COG6: variants seen among roughly 807,000 people sequenced by gnomAD.
COG6 encodes component of oligomeric golgi complex 6.
COG6 carries 74 observed loss-of-function variants against 88.8 expected under a neutral mutation model. The ratio of observed to expected loss-of-function variants is 0.83; its 90% CI spans 0.69 to 1.01. The LOEUF (loss-of-function observed/expected upper bound fraction) is 1.01, where lower values mean the gene tolerates loss of function less well. Ranked by LOEUF, COG6 falls within the 50% of genes least tolerant of loss-of-function variation. The probability of loss-of-function intolerance (pLI) is 0.00; values close to 1 mark genes in which losing one functional copy is unlikely to be tolerated. For synonymous variants in COG6, 286 were observed against 278.7 expected, an observed-to-expected ratio of 1.03 and a Z score of -0.26; for missense variants, 800 against 797.9, an observed-to-expected ratio of 1.00 and a Z score of -0.03.
chr13:39,687,847 C>G (rs552687839), intron 10 of COG6, 48 bp downstream of exon 10: 2 of 1,275,044 alleles, frequency 1.6e-6, no homozygotes, highest in Non-Finnish European at 2.3e-6. Context: ...GAAAATAACA[C>G]AAGCATCTCT....
intron 5 of COG6, 174 bp from the exon 6 acceptor site, chr13:39,679,364 G>T (rs1369623466): frequency 8.1e-6 from 5 of 615,852 alleles, no homozygotes; most frequent in Non-Finnish European, 1.5e-5. Context: ...CTTAAAATGT[G>T]AATAAATACC....
chr13:39,741,502 G>C (rs375618979), intron 18 of COG6, among the ~76,000 whole-genome samples: 1 of 152,230 alleles, frequency 6.6e-6, no homozygotes. Flanking sequence ...GGAAGAAAGG[G>C]TATCAGTGAT....
intron 5 of COG6, 56 bp downstream of exon 5, chr13:39,677,635 A>G: frequency 1.9e-6 from 2 of 1,036,554 alleles, no homozygotes. Flanking sequence ...GATATTAGAG[A>G]GAAATTGCTT....
intron 7 of COG6, among the ~76,000 whole-genome samples, chr13:39,681,459 G>A (rs1238857770): frequency 6.6e-6 from 1 of 152,092 alleles, no homozygotes; most frequent in Non-Finnish European, 1.5e-5. Flanking sequence ...TTACATAGTG[G>A]TTCCCAACTG....
Position 39,657,940 on chromosome 13 carries a change from G to A in COG6, c.154-1424G>A, listed in dbSNP as rs78899599. ...TACCTCCAATTGGATACTGATTGACGTCATAGAACTTAACATGGGCGGAAC... is the reference window on the plus strand; with the variant it reads ...TACCTCCAATTGGATACTGATTGACATCATAGAACTTAACATGGGCGGAAC... On this transcript the variant is annotated intron_variant, in intron 1 of 18. Coordinates refer to ENST00000455146, the MANE Select transcript of COG6 (RefSeq NM_020751.3). Among the ~76,000 whole-genome samples, 341 of 152,144 alleles carry A rather than the reference G, an allele frequency of 2.2e-3. 2 individuals carry two copies. The highest frequency in any genetic ancestry group is 7.8e-3 in the Admixed American group (119 of 15,280).
chr13:39,713,592 C>T (rs1328081465), intron 13 of COG6, among the ~76,000 whole-genome samples: 3 of 152,016 alleles, frequency 2.0e-5, no homozygotes, highest in East Asian at 1.9e-4. Context: ...AAAAATTAGC[C>T]GGGCATGGTG....
At chr13:39,656,052 G>T (rs1011465349) in intron 1 of COG6, 173 bp downstream of exon 1, 1 of 831,912 alleles carries the variant, frequency 1.2e-6, no homozygotes. Flanking sequence ...GCGGTGAGAA[G>T]GGGGAGCCCC....
At chr13:39,679,381 A>T in intron 5 of COG6, 157 bp from the exon 6 acceptor site, 1 of 644,458 alleles carries the variant, frequency 1.6e-6, no homozygotes, top group African/African-American at 1.8e-5. Context: ...TACCAGTTAC[A>T]CCGTCTATGA....
At chr13:39,747,691 T>C (rs148179877) in intron 18 of COG6, among the ~76,000 whole-genome samples, 1 of 152,308 alleles carries the variant, frequency 6.6e-6, no homozygotes, top group East Asian at 1.9e-4. Flanking sequence ...ACTGCTTTAT[T>C]TTATCTATTG....
At position 39,769,442 on chromosome 13, in the gene COG6, A is replaced by T. The variant is rs139110548; in HGVS notation, c.1827-18893A>T. ...CTGTTGGCCGTGGGACCTGGGAAAG[A>T]TTACTTGCTCTCTCTAAGCCTGTTT... On this transcript the variant is annotated intron_variant, in intron 18 of 18. Coordinates refer to the COG6 transcript ENST00000416691. Among the ~76,000 whole-genome samples, 309 of 152,290 alleles carry T rather than the reference A, an allele frequency of 2.0e-3. 2 individuals carry two copies. The highest frequency in any genetic ancestry group is 7.1e-3 in the African/African-American group (297 of 41,568).
chr13:39,728,279 A>G (rs1879245657), intron 18 of COG6, among the ~76,000 whole-genome samples: 1 of 152,194 alleles, frequency 6.6e-6, no homozygotes, highest in African/African-American at 2.4e-5. Flanking sequence ...TTACATTGAA[A>G]TGTACAGTAA....
chr13:39,790,255 CTAAG>C (rs1218880105), exon 19 of COG6: 2 of 152,080 alleles, frequency 1.3e-5, no homozygotes, highest in African/African-American at 2.4e-5. Context: ...CCCTCATGCA[CTAAG>C]TGAGGATAAA....
chr13:39,665,343 T>C (rs1875185322), intron 4 of COG6, among the ~76,000 whole-genome samples, 189 bp downstream of exon 4: 1 of 152,182 alleles, frequency 6.6e-6, no homozygotes, highest in African/African-American at 2.4e-5. Flanking sequence ...AAACTTGACA[T>C]TGAGGTTGAG....
intron 8 of COG6, among the ~76,000 whole-genome samples, chr13:39,684,243 A>ATT (rs1203671335): frequency 0.018 from 1,223 of 67,292 alleles, 176 homozygotes; most frequent in African/African-American, 0.056. Flanking sequence ...AATTTGGAAG[A>ATT]TTTTTTTTTT....
rs1328414779 is a variant in COG6, at chr13:39,752,222, C to A, written c.*1129C>A. The stretch of plus-strand genomic sequence containing the variant: ...AATTACAAATGAGAAAATTGAAGCA[C>A]AAGGAAAAAAATAACTAGTTTGAAA... On this transcript the variant is annotated 3_prime_UTR_variant, in exon 19 of 19. Transcript: ENST00000455146. 7.6e-6 allele frequency: 8 copies of A among 1,056,058 alleles called. No individual in the cohort carries two copies. Among genetic ancestry groups the A allele is most frequent in the South Asian group, 3.4e-5 (2 of 58,828 alleles). 65.4% of individuals were successfully genotyped at this position (1,056,058 alleles called of 1,614,324 possible). A position where few individuals can be genotyped will look rare whatever the true frequency, so the allele number is the denominator to read the frequency against.
chr13:39,657,560 A>AT, intron 1 of COG6, among the ~76,000 whole-genome samples: 2 of 151,972 alleles, frequency 1.3e-5, no homozygotes, highest in Middle Eastern at 3.4e-3. Context: ...AAGTATTTAT[A>AT]GTTGTAAACA....
chr13:39,728,171 C>T (rs577313827), intron 18 of COG6, among the ~76,000 whole-genome samples: 1 of 152,042 alleles, frequency 6.6e-6, no homozygotes, highest in African/African-American at 2.4e-5. Flanking sequence ...TAAGTGTTTT[C>T]TACATAACAG....
Position 39,762,765 on chromosome 13 carries a change from T to TG in COG6, c.1827-25570_1827-25569insG, listed in dbSNP as rs1433788531. 2.7e-3 allele frequency among the ~76,000 whole-genome samples: 410 copies of TG among 150,596 alleles called. 4 individuals are homozygous for TG. Among genetic ancestry groups the TG allele is most frequent in the Admixed American group, 4.6e-3 (69 of 15,118 alleles). On this transcript the variant is annotated intron_variant, in intron 18 of 18. Coordinates refer to the COG6 transcript ENST00000416691. ...TCTATTTGAGACAAAATAAGAGTTTTTTTTTTTTTTTTCTTTGAAGCCTAT... is the reference window on the plus strand; with the variant it reads ...TCTATTTGAGACAAAATAAGAGTTTTGTTTTTTTTTTTTCTTTGAAGCCTAT...
intron 13 of COG6, among the ~76,000 whole-genome samples, chr13:39,702,513 G>A (rs1877639400): frequency 6.6e-6 from 1 of 151,862 alleles, no homozygotes; most frequent in Admixed American, 6.6e-5. Context: ...TCTCATATTT[G>A]ATCACATTGG....
Sources: gnomAD v4.1 joint callset for allele counts (sites outside exome capture counted in the v4.1 genomes callset) on GRCh38, gnomAD v4.1.1 for gene constraint, MANE v1.5 for transcripts, NCBI Gene and HGNC (gene_info 2026-07-23, HGNC 2026-07-21) for gene names.